Variants in PRKN observed in about 807,000 individuals in gnomAD.
PRKN encodes the protein E3 ubiquitin-protein ligase parkin.
A neutral mutation model predicts 59.5 loss-of-function variants in PRKN; 56 were observed. The observed-to-expected ratio is 0.94, with a 90% CI of 0.76 to 1.18. PRKN has a LOEUF of 1.18. PRKN is among the 50% of genes most tolerant of loss of function. The pLI, the probability that PRKN is intolerant of heterozygous loss-of-function variation, is 0.00. For synonymous variants in PRKN, 250 were observed against 222.1 expected (o/e 1.13, Z -1.12); for missense variants, 657 against 596.4 (o/e 1.10, Z -1.06).
At chr6:162,395,897 A>T (rs189452569) in intron 2 of PRKN, among the ~76,000 whole-genome samples, 9 of 152,272 alleles carry the variant, frequency 5.9e-5, no homozygotes, top group Admixed American at 2.0e-4. Flanking sequence ...ATCCAGTTTA[A>T]ATTCTGTCTT....
intron 1 of PRKN, among the ~76,000 whole-genome samples, chr6:162,520,237 CT>C (rs1778032188): frequency 6.6e-6 from 1 of 152,164 alleles, no homozygotes; most frequent in South Asian, 2.1e-4. Flanking sequence ...ACTTCACTGG[CT>C]ACTATTTTAG....
intron 6 of PRKN, among the ~76,000 whole-genome samples, chr6:161,899,280 C>T (rs114100932): frequency 0.033 from 5,025 of 152,204 alleles, 287 homozygotes; most frequent in African/African-American, 0.12. Flanking sequence ...CAGTATGTTC[C>T]GATGAGAATT....
chr6:161,923,550 T>TAG (rs141267641), intron 6 of PRKN, among the ~76,000 whole-genome samples: 604 of 152,314 alleles, frequency 4.0e-3, no homozygotes, highest in African/African-American at 0.013. Flanking sequence ...TACAAAAAAC[T>TAG]GTTCTTCACC....
At chr6:162,318,941 G>A (rs964216323) in intron 2 of PRKN, among the ~76,000 whole-genome samples, 49 of 151,974 alleles carry the variant, frequency 3.2e-4, no homozygotes, top group Admixed American at 3.0e-3. Context: ...GTATTACGAA[G>A]CACTTGTCAC....
intron 7 of PRKN, among the ~76,000 whole-genome samples, chr6:161,733,996 ACACACACACAT>A (rs1787862311): frequency 7.3e-6 from 1 of 137,292 alleles, no homozygotes; most frequent in Admixed American, 6.9e-5. Context: ...ACACACACAC[ACACACACACAT>A]ATTTGCTAAT....
intron 3 of PRKN, among the ~76,000 whole-genome samples, chr6:162,238,890 G>A (rs1583248927): frequency 6.6e-6 from 1 of 152,190 alleles, no homozygotes; most frequent in Admixed American, 6.5e-5. Context: ...CACGTGTGCA[G>A]TGCCCGAAGG....
At chr6:161,972,570 G>A (rs1007182093) in intron 6 of PRKN, among the ~76,000 whole-genome samples, 2 of 152,112 alleles carry the variant, frequency 1.3e-5, no homozygotes, top group Non-Finnish European at 2.9e-5. Context: ...TGTTCACTGG[G>A]ATTAGAAATA....
At chr6:162,478,388 CAT>C (rs1704665843) in intron 1 of PRKN, among the ~76,000 whole-genome samples, 1 of 152,088 alleles carries the variant, frequency 6.6e-6, no homozygotes, top group Admixed American at 6.6e-5. Context: ...ACAGAAGTCA[CAT>C]GTCTGTTCAT....
intron 2 of PRKN, among the ~76,000 whole-genome samples, chr6:162,415,955 T>C (rs537813974): frequency 1.3e-4 from 20 of 152,360 alleles, no homozygotes; most frequent in South Asian, 6.2e-4. Flanking sequence ...TTTGAAAGAC[T>C]GCAAAACGCT....
At chr6:161,476,523 T>C (rs1381117919) in intron 9 of PRKN, among the ~76,000 whole-genome samples, 1 of 152,168 alleles carries the variant, frequency 6.6e-6, no homozygotes, top group Non-Finnish European at 1.5e-5. Flanking sequence ...TATTTATGCG[T>C]CTCCAACTCA....
At chr6:161,358,887 C>T (rs560576495) in intron 11 of PRKN, among the ~76,000 whole-genome samples, 3 of 150,114 alleles carry the variant, frequency 2.0e-5, no homozygotes, top group South Asian at 2.1e-4. Context: ...CTCTGCCTCC[C>T]GGGTTCACAC....
intron 5 of PRKN, among the ~76,000 whole-genome samples, chr6:162,011,183 T>TA (rs370697549): frequency 1.3e-3 from 5 of 3,986 alleles, no homozygotes; most frequent in Non-Finnish European, 1.2e-3. Context: ...ATATAGTATA[T>TA]TTTATAATAT....
At chr6:162,393,631 T>C (rs920061269) in intron 2 of PRKN, among the ~76,000 whole-genome samples, 1 of 152,218 alleles carries the variant, frequency 6.6e-6, no homozygotes, top group South Asian at 2.1e-4. Context: ...ATGTAGAATC[T>C]AGACAATCTT....
At chr6:162,634,846 T>A (rs887905015) in intron 1 of PRKN, among the ~76,000 whole-genome samples, 2 of 152,150 alleles carry the variant, frequency 1.3e-5, no homozygotes, top group African/African-American at 4.8e-5. Context: ...ATGGTCTCGA[T>A]CTCTTGACCT....
intron 2 of PRKN, among the ~76,000 whole-genome samples, chr6:162,336,580 T>C (rs140547602): frequency 1.3e-5 from 2 of 152,354 alleles, no homozygotes; most frequent in African/African-American, 4.8e-5. Flanking sequence ...TCATCAAGAC[T>C]GTCTGTCACA....
intron 2 of PRKN, among the ~76,000 whole-genome samples, chr6:162,271,914 T>C (rs1462793842): frequency 2.6e-5 from 4 of 152,226 alleles, no homozygotes; most frequent in Non-Finnish European, 5.9e-5. Flanking sequence ...TCAAAAATAT[T>C]ATGCTGTGTA....
At chr6:161,874,271 T>TATATAA (rs1794536902) in intron 6 of PRKN, among the ~76,000 whole-genome samples, 2 of 31,988 alleles carry the variant, frequency 6.3e-5, no homozygotes, top group African/African-American at 1.2e-4. Flanking sequence ...GTAAAATATA[T>TATATAA]AATATATATT....
At chr6:162,251,560 T>C (rs1047642196) in intron 3 of PRKN, among the ~76,000 whole-genome samples, 3 of 152,200 alleles carry the variant, frequency 2.0e-5, no homozygotes, top group African/African-American at 7.2e-5. Context: ...TTATCTTAAA[T>C]AGTAATACAT....
chr6:161,860,425 C>A (rs1283449687), intron 6 of PRKN, among the ~76,000 whole-genome samples: 1 of 152,114 alleles, frequency 6.6e-6, no homozygotes, highest in African/African-American at 2.4e-5. Context: ...AATTAATATC[C>A]CACTTAAATC....
Sources: allele counts gnomAD v4.1 joint callset (sites outside exome capture counted in the v4.1 genomes callset), GRCh38; gene constraint gnomAD v4.1.1; transcripts MANE v1.5; gene names NCBI Gene and HGNC (gene_info 2026-07-23, HGNC 2026-07-21).